Variants in SEC24B observed in about 807,000 individuals in gnomAD.
SEC24B encodes the protein protein transport protein Sec24B.
Under a neutral mutation model 142.8 loss-of-function variants are expected in SEC24B, and 45 were observed. The observed-to-expected ratio is 0.32, with a 90% CI of 0.25 to 0.40. The LOEUF (loss-of-function observed/expected upper bound fraction) is 0.40, where lower values mean the gene tolerates loss of function less well. SEC24B is among the 10% of genes least tolerant of loss of function. The pLI, the probability that SEC24B is intolerant of heterozygous loss-of-function variation, is 1.00. For missense variants in SEC24B, 1,409 were observed against 1,526.8 expected, an observed-to-expected ratio of 0.92 and a Z score of 1.29; for synonymous variants, 574 against 568.2, an observed-to-expected ratio of 1.01 and a Z score of -0.15.
At chr4:109,455,944 T>C (rs1730623111) in intron 1 of SEC24B, among the ~76,000 whole-genome samples, 1 of 152,218 alleles carries the variant, frequency 6.6e-6, no homozygotes, top group Admixed American at 6.5e-5. Context: ...TTTATTATGA[T>C]TGCATTGAAT....
intron 9 of SEC24B, among the ~76,000 whole-genome samples, chr4:109,513,081 TC>T (rs1277244579): frequency 8.0e-6 from 1 of 124,824 alleles, no homozygotes; most frequent in Non-Finnish European, 1.9e-5. Context: ...TTCAAGCAAT[TC>T]TTCTGCCTCA....
chr4:109,482,843 G>T (rs1383629549), intron 4 of SEC24B, among the ~76,000 whole-genome samples: 2 of 145,856 alleles, frequency 1.4e-5, no homozygotes, highest in Non-Finnish European at 3.0e-5. Flanking sequence ...TGTTGCCCAA[G>T]CTGGTCTTGA....
At chr4:109,453,568 G>T (rs1730353863) in intron 1 of SEC24B, among the ~76,000 whole-genome samples, 1 of 151,398 alleles carries the variant, frequency 6.6e-6, no homozygotes, top group African/African-American at 2.4e-5. Flanking sequence ...CTGGCCCACA[G>T]GCAGCCAGAC....
chr4:109,501,334 T>C (rs999834179), intron 6 of SEC24B, among the ~76,000 whole-genome samples: 52 of 152,240 alleles, frequency 3.4e-4, no homozygotes, highest in Admixed American at 8.5e-4. Context: ...CTGTGATGTT[T>C]GCACAAGGAC....
chr4:109,500,021 T>C (rs1735943555), intron 6 of SEC24B, among the ~76,000 whole-genome samples: 1 of 152,192 alleles, frequency 6.6e-6, no homozygotes, highest in African/African-American at 2.4e-5. Context: ...AAGACAGTGA[T>C]ATTGATCCTG....
chr4:109,514,717 C>A (rs1737738840), intron 10 of SEC24B, among the ~76,000 whole-genome samples: 2 of 152,138 alleles, frequency 1.3e-5, no homozygotes, highest in African/African-American at 4.8e-5. Flanking sequence ...CAAACAAACT[C>A]AAAAAACTAT....
At position 109,520,402 on chromosome 4, in the gene SEC24B, G is replaced by T; in HGVS notation, c.2163G>T (p.Met721Ile). ...PGDSRTRIGF[M>I]TFDSTIHFYN... The stretch of plus-strand genomic sequence containing the variant: ...ATTCACGAACAAGAATAGGATTCAT[G>T]ACCTTTGATAGCACTATTCATTTCT... Residue 721 changes from methionine (M) to isoleucine (I), a missense_variant, in exon 12 of 24, where the codon ATG becomes ATT. Met to Ile is a conservative substitution (Grantham distance 10, BLOSUM62 1). This residue lies in a region of SEC24B where 700 missense variants were observed against 853.3 expected (regional missense o/e 0.82). Coordinates refer to ENST00000265175, the MANE Select transcript of SEC24B (RefSeq NM_006323.5). 2 of 1,611,748 alleles carry T rather than the reference G, an allele frequency of 1.2e-6. No homozygotes were observed. The highest frequency in any genetic ancestry group is 2.2e-5 in the South Asian group (2 of 90,852).
intron 2 of SEC24B, among the ~76,000 whole-genome samples, chr4:109,468,778 A>G (rs181031691): frequency 4.6e-4 from 70 of 152,354 alleles, no homozygotes; most frequent in African/African-American, 1.7e-3. Flanking sequence ...GAAGAATACA[A>G]GATGACTTAA....
At chr4:109,482,899 T>C (rs1733871053) in intron 4 of SEC24B, among the ~76,000 whole-genome samples, 1 of 129,706 alleles carries the variant, frequency 7.7e-6, no homozygotes, top group South Asian at 2.6e-4. Context: ...CCCAAAGTGC[T>C]GGGATTACAG....
chr4:109,482,965 T>TACAC (rs1378140953), intron 4 of SEC24B, among the ~76,000 whole-genome samples: 2 of 58,640 alleles, frequency 3.4e-5, no homozygotes, highest in African/African-American at 2.2e-4. Context: ...TATATATATA[T>TACAC]ATATATATAT....
chr4:109,527,975 A>G (rs1724442800), intron 18 of SEC24B, among the ~76,000 whole-genome samples: 1 of 152,204 alleles, frequency 6.6e-6, no homozygotes, highest in African/African-American at 2.4e-5. Context: ...CAAATAATAT[A>G]TGCACAATCC....
chr4:109,439,474 A>ATTTTTTTTTTTTTTTTTTTTTTTTT (rs70949077), intron 1 of SEC24B, among the ~76,000 whole-genome samples: 4 of 43,996 alleles, frequency 9.1e-5, no homozygotes, highest in Non-Finnish European at 1.2e-4. Context: ...TCCTAAGCTG[A>ATTTTTTTTTTTTTTTTTTTTTTTTT]TTTTTTTTTT....
chr4:109,526,535 G>T, intron 17 of SEC24B, 136 bp downstream of exon 17: 3 of 565,612 alleles, frequency 5.3e-6, no homozygotes, highest in Non-Finnish European at 8.6e-6. Context: ...TCAAACATAT[G>T]TTGTTATTTT....
chr4:109,533,084 A>T (rs1725105529), intron 21 of SEC24B, among the ~76,000 whole-genome samples: 1 of 152,216 alleles, frequency 6.6e-6, no homozygotes, highest in Non-Finnish European at 1.5e-5. Flanking sequence ...TAGAATTTAA[A>T]AGTATTTCAA....
chr4:109,509,679 A>G (rs901676108), intron 7 of SEC24B, among the ~76,000 whole-genome samples: 19 of 102,738 alleles, frequency 1.8e-4, no homozygotes, highest in Middle Eastern at 4.4e-3. Flanking sequence ...TCCATCTCAG[A>G]AAAAAAAAAA....
chr4:109,469,866 A>G (rs979251975), intron 2 of SEC24B, among the ~76,000 whole-genome samples: 1 of 152,256 alleles, frequency 6.6e-6, no homozygotes, highest in Non-Finnish European at 1.5e-5. Context: ...TAAGCTGCGA[A>G]CTGGGAAAAA....
intron 22 of SEC24B, among the ~76,000 whole-genome samples, chr4:109,535,354 C>T (rs1365444881): frequency 6.6e-6 from 1 of 151,918 alleles, no homozygotes; most frequent in Non-Finnish European, 1.5e-5. Context: ...GAGATCAAGA[C>T]CATCCTGGCC....
chr4:109,521,127 A>G lies in SEC24B; in HGVS notation c.2256A>G (p.Leu752=), dbSNP rs183153567. Reference sequence around the variant, plus strand: ...GTGTTTTCCCTATAGATGTTTTTCTACCTACACCGGATAGTTTACTTGTGA... The same window carrying G: ...GTGTTTTCCCTATAGATGTTTTTCTGCCTACACCGGATAGTTTACTTGTGA... ...LIVSDIDDVF[L]PTPDSLLVNL... Residue 752 remains leucine (L), a synonymous_variant, in exon 13 of 24, where the codon CTA becomes CTG. Transcript: ENST00000265175. 41 of 1,510,092 alleles carry G rather than the reference A, an allele frequency of 2.7e-5. No homozygotes were observed. The highest frequency in any genetic ancestry group is 3.4e-5 in the Non-Finnish European group (37 of 1,090,180). 93.5% of individuals were successfully genotyped at this position (1,510,092 alleles called of 1,614,324 possible).
chr4:109,499,743 G>A lies in SEC24B; in HGVS notation c.1488+4887G>A, dbSNP rs188171302. On this transcript the variant is annotated intron_variant, in intron 6 of 23. Coordinates refer to ENST00000265175, the MANE Select transcript of SEC24B (RefSeq NM_006323.5). Reference sequence around the variant, plus strand: ...AACCTGCACTTCGAGTCATATAAAAGTATAACACATACAGTTATGCACAGT... The same window carrying A: ...AACCTGCACTTCGAGTCATATAAAAATATAACACATACAGTTATGCACAGT... 2.0e-5 allele frequency among the ~76,000 whole-genome samples: 3 copies of A among 152,252 alleles called. No individual in the cohort carries two copies. In the East Asian group the frequency reaches 5.8e-4, roughly 29 times the overall value.
Sources: gnomAD v4.1 joint callset for allele counts (sites outside exome capture counted in the v4.1 genomes callset) on GRCh38, gnomAD v4.1.1 for gene constraint, gnomAD v4.1.1 regional missense constraint, MANE v1.5 for transcripts, NCBI Gene and HGNC (gene_info 2026-07-23, HGNC 2026-07-21) for gene names.